Variants in GMDS observed in about 807,000 individuals in gnomAD.
GMDS encodes GDP-mannose 4,6 dehydratase.
A neutral mutation model predicts 49.9 loss-of-function variants in GMDS; 20 were observed. That is an observed-to-expected ratio of 0.40 (90% CI 0.28 to 0.58). The LOEUF is 0.58. GMDS is among the 20% of genes least tolerant of loss of function. The pLI, the probability that GMDS is intolerant of heterozygous loss-of-function variation, is 0.42. For missense variants in GMDS, 362 were observed against 481.4 expected (o/e 0.75, Z 2.32); for synonymous variants, 177 against 178.6 (o/e 0.99, Z 0.07).
intron 7 of GMDS, among the ~76,000 whole-genome samples, chr6:1,858,969 G>GC (rs1267738401): frequency 6.6e-6 from 1 of 151,970 alleles, no homozygotes; most frequent in South Asian, 2.1e-4. Context: ...GTGTTTTGGG[G>GC]GGGGCAGGCA....
intron 7 of GMDS, among the ~76,000 whole-genome samples, chr6:1,846,649 TC>T (rs1561842575): frequency 1.3e-5 from 2 of 152,028 alleles, no homozygotes; most frequent in African/African-American, 2.4e-5. Flanking sequence ...AACCTCTGTT[TC>T]CCCCAATGAA....
intron 9 of GMDS, among the ~76,000 whole-genome samples, chr6:1,643,306 GA>G (rs1296704007): frequency 2.6e-5 from 4 of 152,166 alleles, no homozygotes; most frequent in Non-Finnish European, 5.9e-5. Context: ...CATTTGGCAG[GA>G]CACACAGGCA....
At chr6:2,159,514 C>CTTTT (rs1157303919) in intron 1 of GMDS, among the ~76,000 whole-genome samples, 36 of 108,178 alleles carry the variant, frequency 3.3e-4, no homozygotes, top group African/African-American at 3.8e-4. Flanking sequence ...TTCTTTTTTT[C>CTTTT]TTTTTTTTTT....
At position 2,181,204 on chromosome 6, in the gene GMDS, G is replaced by A. The variant is rs72830174; in HGVS notation, c.103-56473C>T. On this transcript the variant is annotated intron_variant, in intron 1 of 10. Coordinates refer to ENST00000380815, the MANE Select transcript of GMDS (RefSeq NM_001500.4). The stretch of plus-strand genomic sequence containing the variant: ...AAAAAAAAAAAAAAAAAGACAGATC[G>A]ATGAAATTCCATGTTTAACAGAATT... 1.3e-3 allele frequency among the ~76,000 whole-genome samples: 188 copies of A among 146,996 alleles called. 1 individual carries two copies. Among genetic ancestry groups the A allele is most frequent in the South Asian group, 3.5e-3 (16 of 4,618 alleles).
chr6:1,883,984 G>A (rs1489536265), intron 7 of GMDS, among the ~76,000 whole-genome samples: 1 of 151,980 alleles, frequency 6.6e-6, no homozygotes, highest in Non-Finnish European at 1.5e-5. Flanking sequence ...ACAGAACATG[G>A]CCATCTATAT....
intron 6 of GMDS, among the ~76,000 whole-genome samples, chr6:1,956,242 G>A (rs1204288051): frequency 6.6e-6 from 1 of 152,124 alleles, no homozygotes; most frequent in Non-Finnish European, 1.5e-5. Flanking sequence ...AAATATTTTA[G>A]GCTCTGCACA....
chr6:2,130,514 C>A (rs1432158050), intron 1 of GMDS, among the ~76,000 whole-genome samples: 1 of 152,226 alleles, frequency 6.6e-6, no homozygotes, highest in Non-Finnish European at 1.5e-5. Context: ...AACAGGTGCT[C>A]AGTGGTTGCA....
intron 7 of GMDS, among the ~76,000 whole-genome samples, chr6:1,751,552 G>A (rs1462264135): frequency 2.0e-5 from 3 of 152,194 alleles, no homozygotes; most frequent in Non-Finnish European, 4.4e-5. Flanking sequence ...AGAGTGCAAT[G>A]GCGTGATCTC....
At chr6:1,877,610 C>T (rs1759137483) in intron 7 of GMDS, among the ~76,000 whole-genome samples, 2 of 144,468 alleles carry the variant, frequency 1.4e-5, no homozygotes, top group South Asian at 4.4e-4. Context: ...TGTATTCCAT[C>T]CTGGATGACA....
intron 1 of GMDS, among the ~76,000 whole-genome samples, chr6:2,217,619 T>G (rs1256073046): frequency 6.6e-6 from 1 of 152,210 alleles, no homozygotes. Flanking sequence ...GCTTATAAAG[T>G]GATGGTATCT....
intron 4 of GMDS, among the ~76,000 whole-genome samples, chr6:1,978,529 C>T (rs771916739): frequency 2.0e-5 from 3 of 152,216 alleles, no homozygotes; most frequent in African/African-American, 7.2e-5. Context: ...TTATACTCCT[C>T]CTTGTGGGGC....
intron 7 of GMDS, among the ~76,000 whole-genome samples, chr6:1,794,423 A>C (rs1769658874): frequency 6.6e-6 from 1 of 151,770 alleles, no homozygotes; most frequent in Non-Finnish European, 1.5e-5. Context: ...AATCACAGGG[A>C]AAGGAAACTA....
intron 1 of GMDS, among the ~76,000 whole-genome samples, chr6:2,233,159 A>C (rs1262068151): frequency 1.3e-5 from 2 of 152,140 alleles, no homozygotes; most frequent in African/African-American, 4.8e-5. Context: ...CAACAAAAAC[A>C]TCTCTGGCCT....
At chr6:1,629,681 G>A (rs964919339) in intron 9 of GMDS, among the ~76,000 whole-genome samples, 3 of 152,204 alleles carry the variant, frequency 2.0e-5, no homozygotes, top group Admixed American at 2.0e-4. Flanking sequence ...CACCTCTGCT[G>A]GGAGCCTCCT....
At chr6:1,946,890 T>C (rs535748857) in intron 6 of GMDS, among the ~76,000 whole-genome samples, 29 of 152,334 alleles carry the variant, frequency 1.9e-4, no homozygotes, top group Admixed American at 7.8e-4. Context: ...CACTCAACTA[T>C]TGCAATCCCC....
intron 7 of GMDS, among the ~76,000 whole-genome samples, chr6:1,807,562 C>T (rs1343708856): frequency 6.6e-6 from 1 of 152,170 alleles, no homozygotes; most frequent in Non-Finnish European, 1.5e-5. Context: ...ATACCATAAA[C>T]TCATTAGAAT....
rs189406968 is a variant in GMDS, at chr6:1,814,857, A to G, written c.772-72271T>C. Among the ~76,000 whole-genome samples the G allele has an allele frequency of 7.0e-4, 107 of 152,300 alleles. 1 individual carries two copies. The highest frequency in any genetic ancestry group is 2.6e-4 in the Non-Finnish European group (18 of 68,028). On this transcript the variant is annotated intron_variant, in intron 7 of 10. Coordinates refer to ENST00000380815, the MANE Select transcript of GMDS (RefSeq NM_001500.4). ...GGCATTTATTTCATGATTCTGTAACATTTCCTGATATTTCAGTTTCCAATT... is the reference window on the plus strand; with the variant it reads ...GGCATTTATTTCATGATTCTGTAACGTTTCCTGATATTTCAGTTTCCAATT...
chr6:1,732,932 A>G (rs1766868040), intron 8 of GMDS, among the ~76,000 whole-genome samples: 1 of 152,332 alleles, frequency 6.6e-6, no homozygotes, highest in South Asian at 2.1e-4. Context: ...GTGAGTGACA[A>G]ACCCCCTCCC....
chr6:2,143,438 GC>G (rs1191015272), intron 1 of GMDS, among the ~76,000 whole-genome samples: 3 of 152,180 alleles, frequency 2.0e-5, no homozygotes, highest in Admixed American at 1.3e-4. Context: ...TGGTCTTCCT[GC>G]CCCAGCATCC....
Sources: gnomAD v4.1 joint callset for allele counts (sites outside exome capture counted in the v4.1 genomes callset) on GRCh38, gnomAD v4.1.1 for gene constraint, MANE v1.5 for transcripts, NCBI Gene and HGNC (gene_info 2026-07-23, HGNC 2026-07-21) for gene names.